NECTIN1: variants seen among roughly 807,000 people sequenced by gnomAD.
NECTIN1 encodes the protein nectin cell adhesion molecule 1.
In NECTIN1, 23 loss-of-function variants were observed where a neutral mutation model predicts 48.0. The observed-to-expected ratio is 0.48, with a 90% CI of 0.34 to 0.68. The LOEUF is 0.68. NECTIN1 is among the 30% of genes least tolerant of loss of function. NECTIN1 has a pLI of 0.01. For synonymous variants in NECTIN1, 270 were observed against 288.9 expected (o/e 0.93, Z 0.66); for missense variants, 591 against 709.9 (o/e 0.83, Z 1.90).
chr11:119,646,582 C>G (rs892959418), intron 5 of NECTIN1, among the ~76,000 whole-genome samples: 2 of 152,138 alleles, frequency 1.3e-5, no homozygotes, highest in Non-Finnish European at 1.5e-5. Context: ...TGCCCCCACC[C>G]CTTTGAGTCT....
chr11:119,664,454 G>A lies in NECTIN1; in HGVS notation c.*293C>T. 8.1e-7 allele frequency: 1 copy of A among 1,227,466 alleles called. No homozygotes were observed. Among genetic ancestry groups the A allele is most frequent in the Middle Eastern group, 3.2e-4 (1 of 3,110 alleles). The allele number at this position is 1,227,466 out of a possible 1,614,324, so 76.0% of individuals were successfully genotyped here. A position where few individuals can be genotyped will look rare whatever the true frequency, so the allele number is the denominator to read the frequency against. On this transcript the variant is annotated 3_prime_UTR_variant, in exon 6 of 6. Coordinates refer to ENST00000264025, the MANE Select transcript of NECTIN1 (RefSeq NM_002855.5). Reference sequence around the variant, plus strand: ...CCCAGGTACACAAGACGAGAACAGGGCTCCCTACACAGAGGGCAGGCAGGT... The same window carrying A: ...CCCAGGTACACAAGACGAGAACAGGACTCCCTACACAGAGGGCAGGCAGGT...
rs889348748 is a variant in NECTIN1 at position 119,683,454 on chromosome 11, T to C, written c.80-4689A>G. Among the ~76,000 whole-genome samples the C allele has an allele frequency of 6.6e-6, 1 of 152,038 alleles. No individual in the cohort carries two copies. Among genetic ancestry groups the C allele is most frequent in the African/African-American group, 2.4e-5 (1 of 41,394 alleles). ...CTAGAATATAACCTCAGTGCCTCCA[T>C]TGCCCCTTGTGAGAAATGGCACAAA... On this transcript the variant is annotated intron_variant, in intron 1 of 5. Transcript: ENST00000264025. The surrounding 1 kb of genome is among the most constrained non-coding windows in gnomAD (Gnocchi z 4.0).
intron 6 of NECTIN1, chr11:119,639,802 G>A (rs935731557): frequency 2.9e-5 from 47 of 1,608,692 alleles, no homozygotes; most frequent in Non-Finnish European, 3.8e-5. Flanking sequence ...TAAGTCTGGG[G>A]CTCCCAGGGT....
At position 119,715,702 on chromosome 11, in the gene NECTIN1, C is replaced by T. The variant is rs557885346; in HGVS notation, c.79+12773G>A. ...TTGGCAGAATGAAGGAGAATGCAGG[C>T]CCCTGCCTAGTGTCACTGTCCCTTC... On this transcript the variant is annotated intron_variant, in intron 1 of 5. Coordinates refer to ENST00000264025, the MANE Select transcript of NECTIN1 (RefSeq NM_002855.5). Among the ~76,000 whole-genome samples the T allele has an allele frequency of 1.1e-4, 17 of 152,252 alleles. No homozygotes were observed. The South Asian group carries it at 3.5e-3, about 32-fold the overall frequency.
chr11:119,680,440 T>C (rs1865039807), intron 1 of NECTIN1, among the ~76,000 whole-genome samples: 1 of 151,776 alleles, frequency 6.6e-6, no homozygotes, highest in Admixed American at 6.6e-5. Context: ...CCCAAGGGAG[T>C]CTGGGATCCA....
intron 1 of NECTIN1, among the ~76,000 whole-genome samples, chr11:119,718,398 C>T (rs528199038): frequency 1.1e-4 from 17 of 152,224 alleles, no homozygotes; most frequent in Non-Finnish European, 2.1e-4. Context: ...CCCTTTCATC[C>T]CAGGAGATCA....
chr11:119,662,493 A>G lies in NECTIN1; in HGVS notation c.*2254T>C, dbSNP rs1385297257. Reference sequence around the variant, plus strand: ...GGGTGTGGAGGTGTCTTAAGGGGGAACTCAGTGCTTTGGCTGGGCTTGGGG... The same window carrying G: ...GGGTGTGGAGGTGTCTTAAGGGGGAGCTCAGTGCTTTGGCTGGGCTTGGGG... On this transcript the variant is annotated 3_prime_UTR_variant, in exon 6 of 6. Coordinates refer to ENST00000264025, the MANE Select transcript of NECTIN1 (RefSeq NM_002855.5). The surrounding 1 kb of genome is among the most constrained non-coding windows in gnomAD (Gnocchi z 5.3). 3.0e-6 allele frequency: 3 copies of G among 985,746 alleles called. No homozygotes were observed. The highest frequency in any genetic ancestry group is 3.6e-6 in the Non-Finnish European group (3 of 829,978). 61.1% of individuals were successfully genotyped at this position (985,746 alleles called of 1,614,324 possible). A position where few individuals can be genotyped will look rare whatever the true frequency, so the allele number is the denominator to read the frequency against.
intron 5 of NECTIN1, among the ~76,000 whole-genome samples, chr11:119,646,213 A>T (rs4938701): frequency 6.6e-6 from 1 of 152,340 alleles, no homozygotes; most frequent in East Asian, 1.9e-4. Flanking sequence ...TTGAAGTCCC[A>T]TTCTTCAGAC....
chr11:119,700,064 C>A (rs915107357), intron 1 of NECTIN1, among the ~76,000 whole-genome samples: 44 of 152,194 alleles, frequency 2.9e-4, no homozygotes, highest in African/African-American at 1.0e-3. Flanking sequence ...TAGCGACAAC[C>A]GTGTTCATGA....
chr11:119,680,635 A>T (rs542241039), intron 1 of NECTIN1, among the ~76,000 whole-genome samples: 1 of 152,310 alleles, frequency 6.6e-6, no homozygotes, highest in African/African-American at 2.4e-5. Flanking sequence ...GCTCAGCATA[A>T]AGTAGCTACT....
chr11:119,650,455 G>A (rs866722827), intron 5 of NECTIN1, among the ~76,000 whole-genome samples: 43 of 152,144 alleles, frequency 2.8e-4, no homozygotes, highest in Middle Eastern at 3.2e-3. Context: ...ACCAAACACC[G>A]TTCCCACGAG....
At chr11:119,676,930 A>G (rs983792019) in intron 4 of NECTIN1, 172 bp downstream of exon 4, 31 of 673,198 alleles carry the variant, frequency 4.6e-5, no homozygotes, top group Non-Finnish European at 7.6e-5. Flanking sequence ...GACGTAATGT[A>G]TATGTGTGTG....
downstream of NECTIN1, among the ~76,000 whole-genome samples, chr11:119,656,777 C>G (rs570319965): frequency 1.8e-4 from 28 of 152,344 alleles, no homozygotes; most frequent in South Asian, 5.6e-3. Context: ...CGCCTCTCCC[C>G]GAGGGTCCTC....
rs1172771975 is a variant in NECTIN1, at chr11:119,684,828, A to G, written c.80-6063T>C. On this transcript the variant is annotated intron_variant, in intron 1 of 5. Coordinates refer to ENST00000264025, the MANE Select transcript of NECTIN1 (RefSeq NM_002855.5). This position sits in a 1 kb window ranked among gnomAD's most constrained non-coding sequence, Gnocchi z 5.2. ...TTCACAGGTTTTGCCAATCAGTGTC[A>G]CCTAGACTCCGATCATTCTGTCAGC... Among the ~76,000 whole-genome samples the G allele has an allele frequency of 6.6e-6, 1 of 151,684 alleles. No individual in the cohort carries two copies. The highest frequency in any genetic ancestry group is 6.6e-5 in the Admixed American group (1 of 15,238).
chr11:119,666,210 T>C (rs1420857045), intron 5 of NECTIN1, among the ~76,000 whole-genome samples: 1 of 152,202 alleles, frequency 6.6e-6, no homozygotes, highest in African/African-American at 2.4e-5. Context: ...TGCACAGGCA[T>C]ACACGCTTGC....
Position 119,678,666 on chromosome 11 carries a change from A to G in NECTIN1, c.179T>C (p.Val60Ala). 1 of 1,613,934 alleles carries G rather than the reference A, an allele frequency of 6.2e-7. No individual in the cohort carries two copies. Among genetic ancestry groups the G allele is most frequent in the Non-Finnish European group, 8.5e-7 (1 of 1,179,986 alleles). Residue 60 changes from valine (V) to alanine (A), a missense_variant, in exon 2 of 6, where the codon GTG becomes GCG. Coordinates refer to ENST00000264025, the MANE Select transcript of NECTIN1 (RefSeq NM_002855.5). The surrounding 1 kb of genome is among the most constrained non-coding windows in gnomAD (Gnocchi z 4.4). ...HCSFANPLPS[V>A]KITQVTWQKS... is the part of the protein sequence containing the mutation. ...CTGCCATGTGACCTGGGTGATCTTCACGCTGGGAAGCGGGTTGGCAAAGCT... is the reference window on the plus strand; with the variant it reads ...CTGCCATGTGACCTGGGTGATCTTCGCGCTGGGAAGCGGGTTGGCAAAGCT...
intron 5 of NECTIN1, among the ~76,000 whole-genome samples, chr11:119,654,716 T>G (rs1358335279): frequency 1.4e-5 from 2 of 147,598 alleles, no homozygotes; most frequent in African/African-American, 2.5e-5. Context: ...GGACTACAGG[T>G]GCCCACCACC....
Position 119,683,816 on chromosome 11 carries a change from C to T in NECTIN1, c.80-5051G>A, listed in dbSNP as rs561697781. Reference sequence around the variant, plus strand: ...ACCCTATGAGCTCCAGGATCTGGGACCCATGCCCCTGGGGCTTGTTCTCAA... The same window carrying T: ...ACCCTATGAGCTCCAGGATCTGGGATCCATGCCCCTGGGGCTTGTTCTCAA... On this transcript the variant is annotated intron_variant, in intron 1 of 5. Transcript: ENST00000264025. The surrounding 1 kb of genome is among the most constrained non-coding windows in gnomAD (Gnocchi z 4.0). Among the ~76,000 whole-genome samples, 3 of 152,176 alleles carry T rather than the reference C, an allele frequency of 2.0e-5. No individual in the cohort carries two copies. Among genetic ancestry groups the T allele is most frequent in the South Asian group, 2.1e-4 (1 of 4,810 alleles).
intron 1 of NECTIN1, among the ~76,000 whole-genome samples, chr11:119,699,072 T>C (rs979332882): frequency 7.9e-5 from 12 of 152,190 alleles, no homozygotes; most frequent in African/African-American, 2.9e-4. Context: ...GCCCTGGTCC[T>C]GGAGTCCTAT....
Sources: allele counts gnomAD v4.1 joint callset (sites outside exome capture counted in the v4.1 genomes callset), GRCh38; gene constraint gnomAD v4.1.1; non-coding constraint Gnocchi (gnomAD v3.1); transcripts MANE v1.5; gene names NCBI Gene and HGNC (gene_info 2026-07-23, HGNC 2026-07-21).